The following HCN1 variants were observed in gnomAD, a reference collection of about 807,000 sequenced individuals.
The protein encoded by HCN1 is hyperpolarization activated cyclic nucleotide gated potassium channel 1.
HCN1 carries 13 observed loss-of-function variants against 78.9 expected under a neutral mutation model. The observed-to-expected ratio is 0.16, with a 90% CI of 0.11 to 0.26. The LOEUF is 0.26. HCN1 is among the 10% of genes least tolerant of loss of function. HCN1 has a pLI of 1.00. For missense variants in HCN1, 810 were observed against 1,154.3 expected (o/e 0.70, Z 4.32); for synonymous variants, 552 against 455.5 (o/e 1.21, Z -2.70).
At chr5:45,312,387 G>A (rs182285475) in intron 5 of HCN1, among the ~76,000 whole-genome samples, 21 of 152,254 alleles carry the variant, frequency 1.4e-4, no homozygotes, top group Middle Eastern at 6.8e-3. Context: ...TGCTGGGGGC[G>A]GTTCCAAGAT....
At chr5:45,573,780 T>C (rs1487277903) in intron 2 of HCN1, among the ~76,000 whole-genome samples, 1 of 152,120 alleles carries the variant, frequency 6.6e-6, no homozygotes, top group Non-Finnish European at 1.5e-5. Context: ...ACATTCGCAG[T>C]AGTATTTTTA....
intron 2 of HCN1, among the ~76,000 whole-genome samples, chr5:45,634,733 G>A (rs1745329454): frequency 6.6e-6 from 1 of 151,966 alleles, no homozygotes; most frequent in Non-Finnish European, 1.5e-5. Context: ...AGATTATCTA[G>A]AGCTACATTT....
intron 3 of HCN1, among the ~76,000 whole-genome samples, chr5:45,411,441 C>G (rs1321519812): frequency 4.6e-5 from 7 of 151,284 alleles, no homozygotes; most frequent in Non-Finnish European, 1.0e-4. Context: ...GAGCTCCTTT[C>G]AGTTATCTAA....
At chr5:45,645,907 C>T (rs1327940246) in intron 1 of HCN1, among the ~76,000 whole-genome samples, 1 of 151,770 alleles carries the variant, frequency 6.6e-6, no homozygotes, top group Non-Finnish European at 1.5e-5. Flanking sequence ...GCAAAAAAAG[C>T]AACCTACCTT....
At chr5:45,652,604 G>A (rs976057981) in intron 1 of HCN1, among the ~76,000 whole-genome samples, 1 of 151,902 alleles carries the variant, frequency 6.6e-6, no homozygotes, top group African/African-American at 2.4e-5. Context: ...TAACTATGCA[G>A]GATATATAGT....
chr5:45,590,609 C>T (rs1340055973), intron 2 of HCN1, among the ~76,000 whole-genome samples: 2 of 152,078 alleles, frequency 1.3e-5, no homozygotes, highest in Non-Finnish European at 2.9e-5. Context: ...AGTTTCCTGC[C>T]CTAATAATCA....
intron 2 of HCN1, among the ~76,000 whole-genome samples, chr5:45,589,922 C>T (rs773085139): frequency 7.9e-5 from 12 of 152,158 alleles, no homozygotes; most frequent in Non-Finnish European, 1.8e-4. Flanking sequence ...TCTTTTGATA[C>T]ACTGCAGCTT....
chr5:45,681,375 C>A (rs1357829091), intron 1 of HCN1, among the ~76,000 whole-genome samples: 1 of 152,010 alleles, frequency 6.6e-6, no homozygotes, highest in Non-Finnish European at 1.5e-5. Flanking sequence ...AAGCTGACAT[C>A]TTAGTTTTGC....
At chr5:45,338,163 A>G (rs1746503708) in intron 5 of HCN1, among the ~76,000 whole-genome samples, 1 of 152,084 alleles carries the variant, frequency 6.6e-6, no homozygotes, top group Admixed American at 6.6e-5. Flanking sequence ...ATGAATATAG[A>G]CTAATTTTAA....
At chr5:45,277,806 C>G (rs922595650) in intron 6 of HCN1, among the ~76,000 whole-genome samples, 33 of 152,078 alleles carry the variant, frequency 2.2e-4, no homozygotes, top group Non-Finnish European at 3.7e-4. Context: ...GGGGATGCTT[C>G]AATCAGACTG....
chr5:45,420,902 C>T (rs2112067065), intron 3 of HCN1, among the ~76,000 whole-genome samples: 1 of 152,274 alleles, frequency 6.6e-6, no homozygotes, highest in East Asian at 1.9e-4. Flanking sequence ...CTTGTCTAAT[C>T]CATGTGGTTT....
chr5:45,449,608 CT>C (rs111337365), intron 3 of HCN1, among the ~76,000 whole-genome samples: 14,627 of 149,150 alleles, frequency 0.098, 947 homozygotes, highest in Middle Eastern at 0.17. Flanking sequence ...ATTAATGTTT[CT>C]TTTTTTTTTC....
chr5:45,492,745 A>C (rs1741915828), intron 2 of HCN1, among the ~76,000 whole-genome samples: 1 of 151,810 alleles, frequency 6.6e-6, no homozygotes, highest in African/African-American at 2.4e-5. Context: ...CAGGTGATCC[A>C]CCAGCCTCAG....
At chr5:45,685,453 C>T (rs572582082) in intron 1 of HCN1, among the ~76,000 whole-genome samples, 42 of 152,176 alleles carry the variant, frequency 2.8e-4, no homozygotes, top group Non-Finnish European at 5.3e-4. Flanking sequence ...GTGTCTCATG[C>T]CTGTAACGTC....
intron 2 of HCN1, among the ~76,000 whole-genome samples, chr5:45,564,196 A>C (rs1176211461): frequency 2.0e-5 from 3 of 152,158 alleles, no homozygotes; most frequent in African/African-American, 7.2e-5. Flanking sequence ...ATACCTCAAA[A>C]ACTTTGTCTC....
At chr5:45,338,999 C>A (rs1467857991) in intron 5 of HCN1, among the ~76,000 whole-genome samples, 1 of 152,130 alleles carries the variant, frequency 6.6e-6, no homozygotes, top group Non-Finnish European at 1.5e-5. Context: ...AAAGCAAAAG[C>A]TGAAGAGTAG....
intron 2 of HCN1, among the ~76,000 whole-genome samples, chr5:45,612,288 C>A (rs981396874): frequency 5.3e-5 from 8 of 152,132 alleles, no homozygotes; most frequent in Admixed American, 2.6e-4. Context: ...ACTTTAATGG[C>A]AATTATTATC....
At chr5:45,345,918 A>C (rs1746692794) in intron 5 of HCN1, among the ~76,000 whole-genome samples, 1 of 152,038 alleles carries the variant, frequency 6.6e-6, no homozygotes, top group South Asian at 2.1e-4. Flanking sequence ...GCTGCTAATA[A>C]AGACATACTC....
chr5:45,646,367 CTTT>C (rs201964510), intron 1 of HCN1, among the ~76,000 whole-genome samples: 1 of 123,524 alleles, frequency 8.1e-6, no homozygotes, highest in Non-Finnish European at 1.7e-5. Context: ...TTCTTTCTTT[CTTT>C]TTTTTTTTTT....
Sources: allele counts gnomAD v4.1 joint callset (sites outside exome capture counted in the v4.1 genomes callset), GRCh38; gene constraint gnomAD v4.1.1; transcripts MANE v1.5; gene names NCBI Gene and HGNC (gene_info 2026-07-23, HGNC 2026-07-21).